FSTL4: variants seen among roughly 807,000 people sequenced by gnomAD.
The protein encoded by FSTL4 is follistatin-related protein 4.
In FSTL4, 28 loss-of-function variants were observed where a neutral mutation model predicts 78.2. The ratio of observed to expected loss-of-function variants is 0.36; its 90% CI spans 0.27 to 0.49. FSTL4 has a LOEUF of 0.49. Ranked by LOEUF, FSTL4 falls within the 20% of genes least tolerant of loss-of-function variation. The pLI is 0.98. For missense variants in FSTL4, 922 were observed against 1,084.9 expected (o/e 0.85, Z 2.11); for synonymous variants, 422 against 440.5 (o/e 0.96, Z 0.53).
upstream of FSTL4, among the ~76,000 whole-genome samples, chr5:133,616,938 T>A (rs990583743): frequency 2.6e-5 from 4 of 152,086 alleles, no homozygotes; most frequent in Non-Finnish European, 5.9e-5. Context: ...CCCTATTAAC[T>A]GTTCCATGCC....
At chr5:133,721,242 A>G in the FSTL4 span, among the ~76,000 whole-genome samples, 1 of 151,646 alleles carries the variant, frequency 6.6e-6, no homozygotes, top group Admixed American at 6.6e-5. Flanking sequence ...TTCTTTAACA[A>G]CTCATCGTAG....
At chr5:133,469,349 G>T (rs1281539768) in intron 3 of FSTL4, among the ~76,000 whole-genome samples, 1 of 152,222 alleles carries the variant, frequency 6.6e-6, no homozygotes, top group African/African-American at 2.4e-5. Context: ...TGCTCAAGGA[G>T]AAGAGAACAG....
At chr5:133,297,537 A>G (rs1674131559) in intron 6 of FSTL4, among the ~76,000 whole-genome samples, 1 of 152,176 alleles carries the variant, frequency 6.6e-6, no homozygotes, top group Non-Finnish European at 1.5e-5. Flanking sequence ...GACACGTGGT[A>G]TCTTTTCATA....
the FSTL4 span, among the ~76,000 whole-genome samples, chr5:133,756,467 G>A: frequency 1.3e-5 from 2 of 152,012 alleles, no homozygotes; most frequent in African/African-American, 2.4e-5. Flanking sequence ...TGCTAGTTGA[G>A]AAGGATCATA....
chr5:133,809,543 G>C, the FSTL4 span, among the ~76,000 whole-genome samples: 14 of 150,868 alleles, frequency 9.3e-5, no homozygotes, highest in East Asian at 2.7e-3. Context: ...CAACAAACAA[G>C]ATCTGGGGTT....
the FSTL4 span, among the ~76,000 whole-genome samples, chr5:133,841,121 A>G: frequency 6.6e-6 from 1 of 152,238 alleles, no homozygotes; most frequent in Non-Finnish European, 1.5e-5. Context: ...CTGTGTCCAC[A>G]ACAGTATCAG....
At chr5:133,696,897 G>A in the FSTL4 span, among the ~76,000 whole-genome samples, 1 of 152,332 alleles carries the variant, frequency 6.6e-6, no homozygotes, top group East Asian at 1.9e-4. Flanking sequence ...TGTCCTTTCT[G>A]AGCCATGGCC....
At chr5:133,413,053 T>C (rs1756510566) in intron 3 of FSTL4, among the ~76,000 whole-genome samples, 4 of 152,156 alleles carry the variant, frequency 2.6e-5, no homozygotes, top group Admixed American at 2.0e-4. Context: ...CTTCTTCTGC[T>C]CATATAAAAA....
the FSTL4 span, among the ~76,000 whole-genome samples, chr5:133,784,587 G>A: frequency 1.3e-5 from 2 of 152,186 alleles, no homozygotes; most frequent in Admixed American, 6.5e-5. Flanking sequence ...TGGCAGAGCA[G>A]GGATATGATC....
the FSTL4 span, among the ~76,000 whole-genome samples, chr5:133,623,440 A>C: frequency 6.6e-6 from 1 of 152,034 alleles, no homozygotes. Flanking sequence ...ATAACTCAAT[A>C]TCCACATGCA....
the FSTL4 span, among the ~76,000 whole-genome samples, chr5:133,804,029 G>A: frequency 6.6e-6 from 1 of 152,176 alleles, no homozygotes; most frequent in East Asian, 1.9e-4. Context: ...TCATCAGCTA[G>A]CTTCCCACAA....
intron 2 of FSTL4, among the ~76,000 whole-genome samples, chr5:133,592,015 C>T (rs17166855): frequency 0.022 from 3,319 of 152,230 alleles, 139 homozygotes; most frequent in African/African-American, 0.076. Flanking sequence ...CAATCTGTTC[C>T]GTTTTCCCCT....
At chr5:133,210,473 ATTATTATTAT>A (rs987086643) in intron 13 of FSTL4, among the ~76,000 whole-genome samples, 175 bp from the exon 14 acceptor site, 4 of 37,940 alleles carry the variant, frequency 1.1e-4, no homozygotes, top group African/African-American at 8.4e-4. Context: ...CAGAGGCATT[ATTATTATTAT>A]TATTATTATT....
At chr5:133,456,753 A>G (rs1475210301) in intron 3 of FSTL4, among the ~76,000 whole-genome samples, 5 of 152,226 alleles carry the variant, frequency 3.3e-5, no homozygotes, top group Non-Finnish European at 7.3e-5. Context: ...ACACCACATA[A>G]GCATGCAATT....
the FSTL4 span, among the ~76,000 whole-genome samples, chr5:133,620,748 T>C: frequency 6.6e-6 from 1 of 152,220 alleles, no homozygotes; most frequent in African/African-American, 2.4e-5. Flanking sequence ...GTGTGCTTGC[T>C]TGTTACATAC....
intron 3 of FSTL4, among the ~76,000 whole-genome samples, chr5:133,409,989 G>C (rs1479334611): frequency 3.3e-5 from 5 of 152,186 alleles, no homozygotes; most frequent in African/African-American, 1.2e-4. Context: ...GTGAATTGAG[G>C]ATGTACATCA....
chr5:133,797,298 T>C, the FSTL4 span, among the ~76,000 whole-genome samples: 1 of 152,256 alleles, frequency 6.6e-6, no homozygotes, highest in African/African-American at 2.4e-5. Context: ...CATGGATTCT[T>C]TAACTTGTAG....
the FSTL4 span, among the ~76,000 whole-genome samples, chr5:133,692,503 A>G: frequency 6.6e-6 from 1 of 152,196 alleles, no homozygotes; most frequent in Non-Finnish European, 1.5e-5. Flanking sequence ...CTGGGCTTGT[A>G]CAAGAAGAGC....
At chr5:133,623,387 A>G in the FSTL4 span, among the ~76,000 whole-genome samples, 1 of 152,076 alleles carries the variant, frequency 6.6e-6, no homozygotes, top group Non-Finnish European at 1.5e-5. Context: ...TTCTAAGACT[A>G]TACAATGGAG....
Sources: allele counts gnomAD v4.1 joint callset (sites outside exome capture counted in the v4.1 genomes callset), GRCh38; gene constraint gnomAD v4.1.1; transcripts MANE v1.5; gene names NCBI Gene and HGNC (gene_info 2026-07-23, HGNC 2026-07-21).